MAP3K20: variants seen among roughly 807,000 people sequenced by gnomAD.
MAP3K20 encodes the protein HCCS-4.
MAP3K20 carries 40 observed loss-of-function variants against 85.7 expected under a neutral mutation model. The ratio of observed to expected loss-of-function variants is 0.47; its 90% CI spans 0.36 to 0.61. The LOEUF (loss-of-function observed/expected upper bound fraction) is 0.61. Ranked by LOEUF, MAP3K20 falls within the 20% of genes least tolerant of loss-of-function variation. The pLI is 0.00. For synonymous variants in MAP3K20, 325 were observed against 327.7 expected (o/e 0.99, Z 0.09); for missense variants, 817 against 961.7 (o/e 0.85, Z 1.99).
intron 2 of MAP3K20, among the ~76,000 whole-genome samples, chr2:173,123,312 T>G (rs1688351330): frequency 6.6e-6 from 1 of 152,100 alleles, no homozygotes; most frequent in African/African-American, 2.4e-5. Context: ...CAGCATTCTT[T>G]ATCTAACACC....
At chr2:173,229,833 A>T in intron 12 of MAP3K20, 100 bp downstream of exon 12, 1 of 1,329,354 alleles carries the variant, frequency 7.5e-7, no homozygotes, top group Non-Finnish European at 1.1e-6. Context: ...GGAAAGTCTA[A>T]CTAGGAGAGG....
At chr2:173,201,487 A>G (rs1346600230) in intron 8 of MAP3K20, among the ~76,000 whole-genome samples, 2 of 152,208 alleles carry the variant, frequency 1.3e-5, no homozygotes, top group Non-Finnish European at 2.9e-5. Context: ...AGAAATCTTC[A>G]TAAGACTTAA....
At chr2:173,226,376 T>C (rs1371965534) in intron 11 of MAP3K20, 9 of 985,326 alleles carry the variant, frequency 9.1e-6, no homozygotes. Flanking sequence ...CTTTTGAAAG[T>C]AGCAGAGTTT....
Position 173,187,630 on chromosome 2 carries a change from T to C in MAP3K20, c.415+7T>C, listed in dbSNP as rs1690528371. The C allele has an allele frequency of 6.2e-7, 1 of 1,600,726 alleles. No homozygotes were observed. Among genetic ancestry groups the C allele is most frequent in the African/African-American group, 1.3e-5 (1 of 74,102 alleles). Reference sequence around the variant, plus strand: ...GACCTCAAGTCAAGAAACGGTAATGTAGTTATGTTTTTATTTTACCTATTT... The same window carrying C: ...GACCTCAAGTCAAGAAACGGTAATGCAGTTATGTTTTTATTTTACCTATTT... On this transcript the variant is annotated splice_region_variant and intron_variant, in intron 5 of 19. Transcript: ENST00000375213.
At chr2:173,144,337 C>T (rs1258821022) in intron 2 of MAP3K20, among the ~76,000 whole-genome samples, 5 of 151,486 alleles carry the variant, frequency 3.3e-5, no homozygotes, top group Non-Finnish European at 7.4e-5. Flanking sequence ...GTGGTGGGCA[C>T]CTGTAGTCCC....
intron 16 of MAP3K20, among the ~76,000 whole-genome samples, chr2:173,242,584 T>C (rs1684813677): frequency 6.6e-6 from 1 of 152,088 alleles, no homozygotes; most frequent in African/African-American, 2.4e-5. Context: ...TACAATGGTC[T>C]GTTTTTGGTA....
At chr2:173,230,933 T>G (rs1574140088) in intron 12 of MAP3K20, among the ~76,000 whole-genome samples, 1 of 151,946 alleles carries the variant, frequency 6.6e-6, no homozygotes. Context: ...AAGGTGGAGG[T>G]TGCAGTGAGC....
At chr2:173,142,173 G>A (rs184912797) in intron 2 of MAP3K20, among the ~76,000 whole-genome samples, 253 of 152,188 alleles carry the variant, frequency 1.7e-3, no homozygotes, top group Non-Finnish European at 3.0e-3. Flanking sequence ...ATGTATGTAC[G>A]TTAAAATATA....
intron 2 of MAP3K20, among the ~76,000 whole-genome samples, chr2:173,147,487 C>T (rs1047132821): frequency 1.2e-4 from 18 of 152,192 alleles, no homozygotes; most frequent in Admixed American, 1.2e-3. Flanking sequence ...TTTGGGGGTG[C>T]ATATTGCTAT....
At chr2:173,226,830 G>A in intron 11 of MAP3K20, 1 of 984,438 alleles carries the variant, frequency 1.0e-6, no homozygotes, top group South Asian at 4.7e-5. Flanking sequence ...TTGAGTGTGA[G>A]CTTTGAATAG....
chr2:173,093,915 C>G (rs1687378461), intron 2 of MAP3K20, among the ~76,000 whole-genome samples: 1 of 146,926 alleles, frequency 6.8e-6, no homozygotes, highest in African/African-American at 2.5e-5. Flanking sequence ...CACATATTCT[C>G]ACTCATATGT....
intron 2 of MAP3K20, among the ~76,000 whole-genome samples, chr2:173,168,457 C>A (rs757601259): frequency 3.3e-5 from 5 of 152,186 alleles, no homozygotes; most frequent in Non-Finnish European, 7.4e-5. Flanking sequence ...CACCTAGTTA[C>A]ACCACCTTCA....
chr2:173,255,603 G>A (rs1172186634), intron 16 of MAP3K20, among the ~76,000 whole-genome samples: 1 of 152,168 alleles, frequency 6.6e-6, no homozygotes, highest in African/African-American at 2.4e-5. Context: ...CCTGTCAGCC[G>A]CTTCTTCACA....
chr2:173,208,041 CCTG>C (rs1683748534), intron 9 of MAP3K20, among the ~76,000 whole-genome samples: 1 of 152,138 alleles, frequency 6.6e-6, no homozygotes, highest in Admixed American at 6.5e-5. Flanking sequence ...ATTAGCTCTT[CCTG>C]CTGCTTTTCC....
chr2:173,103,348 T>G (rs1687690566), intron 2 of MAP3K20, among the ~76,000 whole-genome samples: 1 of 152,198 alleles, frequency 6.6e-6, no homozygotes, highest in South Asian at 2.1e-4. Context: ...TCAGTGAGGC[T>G]CTGTGGGAAA....
intron 12 of MAP3K20, among the ~76,000 whole-genome samples, chr2:173,231,004 A>T (rs1684511546): frequency 2.0e-5 from 3 of 152,110 alleles, no homozygotes; most frequent in Admixed American, 6.5e-5. Context: ...TCAAAAAAAA[A>T]ATTTTTTTTA....
At chr2:173,118,576 CT>C (rs1368565444) in intron 2 of MAP3K20, among the ~76,000 whole-genome samples, 1 of 152,132 alleles carries the variant, frequency 6.6e-6, no homozygotes, top group Non-Finnish European at 1.5e-5. Context: ...CATTCTCCAG[CT>C]TTGGTGTTCA....
rs376247159 is a variant in MAP3K20 at position 173,266,668 on chromosome 2, G to C, written c.2321G>C (p.Arg774Pro). The change falls in exon 20 of 20, where the codon CGG becomes CCG. Residue 774 changes from arginine (R) to proline (P), a missense_variant. This residue lies in a region of MAP3K20 where 454 missense variants were observed against 476.9 expected (regional missense o/e 0.95). Transcript: ENST00000375213. ...GGGGGCTGGACAAAAGTGGAATACCGGAAAAAGCCCCACAGGCCATCTCCC... is the reference window on the plus strand; with the variant it reads ...GGGGGCTGGACAAAAGTGGAATACCCGAAAAAGCCCCACAGGCCATCTCCC... ...SEGGWTKVEY[R>P]KKPHRPSPAK... 12 of 1,610,154 alleles carry C rather than the reference G, an allele frequency of 7.5e-6. No homozygotes were observed. Among genetic ancestry groups the C allele is most frequent in the Non-Finnish European group, 1.0e-5 (12 of 1,178,304 alleles).
chr2:173,219,716 GT>G (rs1179728958), intron 11 of MAP3K20, among the ~76,000 whole-genome samples: 1 of 152,124 alleles, frequency 6.6e-6, no homozygotes, highest in African/African-American at 2.4e-5. Flanking sequence ...CTCCAGGAGG[GT>G]TTTTCCCAAA....
Sources: allele counts gnomAD v4.1 joint callset (sites outside exome capture counted in the v4.1 genomes callset), GRCh38; gene constraint gnomAD v4.1.1; regional missense constraint gnomAD v4.1.1; transcripts MANE v1.5; gene names NCBI Gene and HGNC (gene_info 2026-07-23, HGNC 2026-07-21).